NEDD4L: variants seen among roughly 807,000 people sequenced by gnomAD.
NEDD4L encodes NEDD4 like E3 ubiquitin protein ligase, also known as E3 ubiquitin-protein ligase NEDD4-like.
Under a neutral mutation model 148.9 loss-of-function variants are expected in NEDD4L, and 54 were observed. The ratio of observed to expected loss-of-function variants is 0.36; its 90% confidence interval spans 0.29 to 0.45. The LOEUF is 0.45. Among genes scored for constraint, NEDD4L ranks in the 20% least tolerant of loss-of-function variants. NEDD4L has a pLI of 1.00. For synonymous variants in NEDD4L, 433 were observed against 440.7 expected, an observed-to-expected ratio of 0.98 and a Z score of 0.22; for missense variants, 856 against 1,233.8, an observed-to-expected ratio of 0.69 and a Z score of 4.59.
chr18:58,082,096 ATATATATT>A lies in NEDD4L; in HGVS notation c.48+37390_48+37397del, dbSNP rs548463751. On this transcript the variant is annotated intron_variant, in intron 1 of 30. Transcript: ENST00000400345. ...TTCTGATGAATATATATATATATAT[ATATATATT>A]TTTTTTTTTTTTTTTTTCTTGAGAT... Among the ~76,000 whole-genome samples the A allele has an allele frequency of 7.9e-3, 594 of 75,464 alleles. 6 individuals carry two copies. Among genetic ancestry groups the A allele is most frequent in the African/African-American group, 0.05 (567 of 11,272 alleles). The allele number at this position is 75,464 out of a possible 152,430, so 49.5% of individuals were successfully genotyped here.
intron 1 of NEDD4L, among the ~76,000 whole-genome samples, chr18:58,104,741 TTTTTTC>T (rs2084963515): frequency 2.6e-5 from 4 of 152,190 alleles, no homozygotes; most frequent in Admixed American, 2.0e-4. Context: ...AACAATTGCA[TTTTTTC>T]CTTTTCATCA....
In NEDD4L at chr18:58,281,668, G is replaced by GA. The variant is rs964578793; in HGVS notation, c.297+29623dup. 6.7e-5 allele frequency among the ~76,000 whole-genome samples: 10 copies of GA among 149,686 alleles called. 1 individual carries two copies. The South Asian group carries it at 8.5e-4, about 13-fold the overall frequency. ...GCTGTTTTGGAGGAAAAAGAAAAAA[G>GA]AAAAAAAAACTGCCTTTTTTTTTCT... On this transcript the variant is annotated intron_variant, in intron 5 of 30. Transcript: ENST00000400345.
intron 6 of NEDD4L, 33 bp downstream of exon 6, chr18:58,316,065 T>TG (rs1361307809): frequency 1.3e-6 from 2 of 1,571,026 alleles, no homozygotes; most frequent in Admixed American, 1.7e-5. Context: ...TGCTTCGTGC[T>TG]GGGGGCGGGG....
intron 1 of NEDD4L, among the ~76,000 whole-genome samples, chr18:58,164,828 G>A (rs2036649296): frequency 6.6e-6 from 1 of 152,168 alleles, no homozygotes; most frequent in African/African-American, 2.4e-5. Flanking sequence ...GGTTATAACT[G>A]CAGGCTCTAC....
intron 22 of NEDD4L, among the ~76,000 whole-genome samples, chr18:58,369,530 G>C (rs1346916398): frequency 6.6e-6 from 1 of 151,836 alleles, no homozygotes; most frequent in East Asian, 1.9e-4. Flanking sequence ...TGCTCCCCCT[G>C]GTCGGCTTCA....
intron 1 of NEDD4L, among the ~76,000 whole-genome samples, chr18:58,154,049 G>T (rs1341254990): frequency 6.6e-6 from 1 of 152,202 alleles, no homozygotes; most frequent in East Asian, 1.9e-4. Context: ...GTTACAGAAA[G>T]AAATAGCACT....
Position 58,050,817 on chromosome 18 carries a change from T to C in NEDD4L, c.48+6109T>C, listed in dbSNP as rs2081835665. Among the ~76,000 whole-genome samples the C allele has an allele frequency of 2.0e-5, 3 of 152,098 alleles. No homozygotes were observed. The South Asian group carries it at 6.2e-4, about 32-fold the overall frequency. On this transcript the variant is annotated intron_variant, in intron 1 of 30. Transcript: ENST00000400345. ...CTTAAAGGGTGAGGACAGTGACAAA[T>C]GGTGATCCTCAGATGACTGTAGTTT...
intron 2 of NEDD4L, among the ~76,000 whole-genome samples, chr18:58,205,002 A>G (rs2041833862): frequency 1.3e-5 from 2 of 152,248 alleles, no homozygotes; most frequent in Non-Finnish European, 2.9e-5. Context: ...CCAGACATCC[A>G]GTAGTCTGTG....
At chr18:58,339,871 G>C (rs189978235) in intron 13 of NEDD4L, among the ~76,000 whole-genome samples, 2 of 152,252 alleles carry the variant, frequency 1.3e-5, no homozygotes, top group African/African-American at 4.8e-5. Flanking sequence ...GCAGGGAAAA[G>C]GTGGCATAAG....
intron 5 of NEDD4L, among the ~76,000 whole-genome samples, chr18:58,262,662 C>G (rs1028237757): frequency 6.6e-6 from 1 of 150,626 alleles, no homozygotes; most frequent in Non-Finnish European, 1.5e-5. Flanking sequence ...AAGAAATAAT[C>G]TTCTCTCAGT....
intron 5 of NEDD4L, among the ~76,000 whole-genome samples, chr18:58,266,889 A>T (rs1312006488): frequency 6.6e-6 from 1 of 152,058 alleles, no homozygotes; most frequent in Non-Finnish European, 1.5e-5. Flanking sequence ...TTATTAAGAG[A>T]TCATTATTCT....
chr18:58,223,506 T>C (rs1329551287), intron 2 of NEDD4L, among the ~76,000 whole-genome samples: 1 of 152,180 alleles, frequency 6.6e-6, no homozygotes, highest in African/African-American at 2.4e-5. Flanking sequence ...TCTTGACGGT[T>C]CTGTTGGGAT....
chr18:58,205,906 G>T (rs1211784743), intron 2 of NEDD4L, among the ~76,000 whole-genome samples: 1 of 152,042 alleles, frequency 6.6e-6, no homozygotes, highest in South Asian at 2.1e-4. Context: ...TGTTCTTCTG[G>T]CCTCAGAATC....
intron 1 of NEDD4L, among the ~76,000 whole-genome samples, chr18:58,064,538 C>T (rs1294070369): frequency 6.6e-6 from 1 of 152,090 alleles, no homozygotes; most frequent in East Asian, 1.9e-4. Context: ...AACATAACAC[C>T]GTTTTCCTTT....
intron 2 of NEDD4L, among the ~76,000 whole-genome samples, chr18:58,183,494 T>C (rs906217787): frequency 2.0e-5 from 3 of 152,234 alleles, no homozygotes; most frequent in Non-Finnish European, 4.4e-5. Context: ...CCATGTCCTC[T>C]TTCAACCTGC....
chr18:58,283,868 A>C (rs2053533617), intron 5 of NEDD4L, among the ~76,000 whole-genome samples: 1 of 152,202 alleles, frequency 6.6e-6, no homozygotes, highest in Non-Finnish European at 1.5e-5. Context: ...TGAGGCCATG[A>C]ATGTGGACCC....
At chr18:58,303,181 A>G (rs576854601) in intron 5 of NEDD4L, among the ~76,000 whole-genome samples, 95 of 152,296 alleles carry the variant, frequency 6.2e-4, no homozygotes, top group African/African-American at 2.2e-3. Context: ...TGATTCTTGG[A>G]AAAAGTCATG....
chr18:58,203,613 TC>T (rs2041662075), intron 2 of NEDD4L, among the ~76,000 whole-genome samples: 2 of 122,522 alleles, frequency 1.6e-5, no homozygotes, highest in Non-Finnish European at 1.6e-5. Flanking sequence ...AAACAGATGA[TC>T]TTTTTTTTTT....
intron 1 of NEDD4L, among the ~76,000 whole-genome samples, chr18:58,094,521 G>A (rs567906375): frequency 4.6e-5 from 7 of 152,226 alleles, no homozygotes; most frequent in African/African-American, 9.6e-5. Flanking sequence ...CGCCCTGGCC[G>A]GCTGGACGAC....
Sources: allele counts gnomAD v4.1 joint callset (sites outside exome capture counted in the v4.1 genomes callset), GRCh38; gene constraint gnomAD v4.1.1; transcripts MANE v1.5; gene names NCBI Gene and HGNC (gene_info 2026-07-23, HGNC 2026-07-21).